The following IBTK variants were observed in gnomAD, a reference collection of about 807,000 sequenced individuals.
The protein encoded by IBTK is inhibitor of Bruton tyrosine kinase.
IBTK carries 83 observed loss-of-function variants against 154.9 expected under a neutral mutation model. The ratio of observed to expected loss-of-function variants is 0.54; its 90% CI spans 0.45 to 0.64. IBTK has a LOEUF of 0.64. Ranked by LOEUF, IBTK falls within the 30% of genes least tolerant of loss-of-function variation. IBTK has a pLI of 0.00. For missense variants in IBTK, 1,332 were observed against 1,584.6 expected (o/e 0.84, Z 2.71); for synonymous variants, 515 against 536.1 (o/e 0.96, Z 0.54).
Position 82,214,397 on chromosome 6 carries a change from G to A in IBTK, c.2034C>T (p.Asn678=), listed in dbSNP as rs773843337. The A allele has an allele frequency of 2.5e-6, 4 of 1,613,860 alleles. No homozygotes were observed. Among genetic ancestry groups the A allele is most frequent in the Non-Finnish European group, 3.4e-6 (4 of 1,179,890 alleles). ...TGTAAACTTCAAATGCAGACTTCTG[G>A]TTATCATCTTCATGGAAATTCACTT... The part of the protein sequence containing the change: ...LNKVNFHEDD[N]QKSAFEVYKS... Residue 678 remains asparagine (N), a synonymous_variant, in exon 12 of 29, where the codon AAC becomes AAT. Transcript: ENST00000306270.
At position 82,181,898 on chromosome 6, in the gene IBTK, G is replaced by C. The variant is rs1768331963; in HGVS notation, c.3706C>G (p.Gln1236Glu). 6.3e-7 allele frequency: 1 copy of C among 1,580,510 alleles called. No individual in the cohort carries two copies. Among genetic ancestry groups the C allele is most frequent in the South Asian group, 1.2e-5 (1 of 84,426 alleles). Residue 1236 changes from glutamine (Q) to glutamate (E), a missense_variant, in exon 26 of 29, where the codon CAG becomes GAG. Gln to Glu is a conservative substitution (Grantham distance 29). Around this residue, in one of 3 missense-constraint regions of IBTK, gnomAD observed 1,134 missense variants for 1,274.7 expected, o/e 0.89. Coordinates refer to ENST00000306270, the MANE Select transcript of IBTK (RefSeq NM_015525.4). ...KVSFKGIENSQAPKIVRCSTH... is the reference protein window; with the variant it reads ...KVSFKGIENSEAPKIVRCSTH... Reference sequence around the variant, plus strand: ...TATTACCTGACAATTTTTGGTGCCTGAGAATTTTCAATTCCTTTAAAAGAA... The same window carrying C: ...TATTACCTGACAATTTTTGGTGCCTCAGAATTTTCAATTCCTTTAAAAGAA...
At chr6:82,236,075 T>C (rs544971888) in intron 2 of IBTK, among the ~76,000 whole-genome samples, 1 of 152,318 alleles carries the variant, frequency 6.6e-6, no homozygotes, top group South Asian at 2.1e-4. Context: ...GGTTTTGCCA[T>C]GTTGCCCAGG....
At chr6:82,186,393 A>G (rs1291185062) in intron 25 of IBTK, among the ~76,000 whole-genome samples, 1 of 152,204 alleles carries the variant, frequency 6.6e-6, no homozygotes, top group East Asian at 1.9e-4. Flanking sequence ...ACTCCACCAT[A>G]AAAAGATGAT....
chr6:82,240,678 A>T lies in IBTK; in HGVS notation c.-192T>A, dbSNP rs372861343. On this transcript the variant is annotated 5_prime_UTR_variant, in exon 2 of 29. Coordinates refer to ENST00000306270, the MANE Select transcript of IBTK (RefSeq NM_015525.4). ...ATTTTTTGGCACTTAAATCAAAAAA[A>T]TTATAAATAGCTCTATAAAGTTCAT... 2 of 527,958 alleles carry T rather than the reference A, an allele frequency of 3.8e-6. No individual in the cohort carries two copies. The highest frequency in any genetic ancestry group is 3.8e-5 in the African/African-American group (2 of 52,172). 32.7% of individuals were successfully genotyped at this position (527,958 alleles called of 1,614,324 possible).
Position 82,194,625 on chromosome 6 carries a change from A to T in IBTK, c.3192T>A (p.Tyr1064Ter). 6.3e-7 allele frequency: 1 copy of T among 1,586,976 alleles called. No individual in the cohort carries two copies. The highest frequency in any genetic ancestry group is 8.6e-7 in the Non-Finnish European group (1 of 1,168,524). The change falls in exon 23 of 29, where the codon TAT (tyrosine) becomes TAA (stop). Residue 1064 changes from tyrosine (Y) to a stop codon, truncating the protein, a stop_gained. Coordinates refer to ENST00000306270, the MANE Select transcript of IBTK (RefSeq NM_015525.4). LOFTEE classifies it high-confidence loss of function. ...AATACACAGGAGATGTACCATTAACATACGGTTTGACTTTCGCCTGGGGAG... is the reference window on the plus strand; with the variant it reads ...AATACACAGGAGATGTACCATTAACTTACGGTTTGACTTTCGCCTGGGGAG... ...SDKIEAKVKP[Y>*]VNGTSPVYSR...
intron 3 of IBTK, among the ~76,000 whole-genome samples, chr6:82,233,711 G>GTTGT (rs1554187491): frequency 8.1e-6 from 1 of 122,844 alleles, no homozygotes; most frequent in Non-Finnish European, 1.7e-5. Context: ...CATTTGTAAA[G>GTTGT]TTTTTTTTTT....
chr6:82,189,987 T>A (rs1019577807), intron 25 of IBTK, among the ~76,000 whole-genome samples: 1 of 152,192 alleles, frequency 6.6e-6, no homozygotes, highest in Non-Finnish European at 1.5e-5. Context: ...TGCCTTATCA[T>A]CAGAAACTAG....
At chr6:82,234,339 A>T (rs577461830) in intron 2 of IBTK, 84 bp from the exon 3 acceptor site, 205 of 350,642 alleles carry the variant, frequency 5.8e-4, no homozygotes, top group African/African-American at 3.1e-3. Flanking sequence ...TTTTATTATT[A>T]TTTTTTTTTT....
In IBTK at chr6:82,216,207, A is replaced by C; in HGVS notation, c.1470T>G (p.Tyr490Ter). Residue 490 changes from tyrosine (Y) to a stop codon, truncating the protein, a stop_gained, in exon 11 of 29, where the codon TAT (tyrosine) becomes TAG (stop). Transcript: ENST00000306270. LOFTEE classifies it high-confidence loss of function. ...NLHNSSSDVS[Y>*]VSDINSVYER... ...CATACACACTATTTATATCAGAGAC[A>C]TAAGACACATCTGATGAGGAATTGT... 1 of 1,603,076 alleles carries C rather than the reference A, an allele frequency of 6.2e-7. No homozygotes were observed. The highest frequency in any genetic ancestry group is 8.5e-7 in the Non-Finnish European group (1 of 1,175,986).
At chr6:82,242,963 C>T (rs557441001) in intron 1 of IBTK, among the ~76,000 whole-genome samples, 142 of 151,434 alleles carry the variant, frequency 9.4e-4, no homozygotes, top group African/African-American at 3.2e-3. Context: ...AAACAAAAGA[C>T]GGGCACGGTG....
Position 82,200,231 on chromosome 6 carries a change from T to C in IBTK, c.2935A>G (p.Lys979Glu). Residue 979 changes from lysine (K) to glutamate (E), a missense_variant, in exon 21 of 29, where the codon AAA (lysine) becomes GAA (glutamate). By Grantham distance (56) the Lys-to-Glu change is moderately conservative. Transcript: ENST00000306270. ...CGTGGCTTCTTTTTAGCTTTTGTTT[T>C]TGCTTTCTTGAACATAGTTTCCCTA... ...NHSETMFKKA[K>E]TKAKKKPRKR... 6.2e-7 allele frequency: 1 copy of C among 1,613,522 alleles called. No homozygotes were observed. The highest frequency in any genetic ancestry group is 8.5e-7 in the Non-Finnish European group (1 of 1,179,600).
Position 82,240,525 on chromosome 6 carries a change from A to T in IBTK, c.-39T>A. ...ATACCACTTACTTCAGAATCGTGAA[A>T]ACTAATTTTAAAAAATGAAAAAGCC... On this transcript the variant is annotated 5_prime_UTR_variant, in exon 2 of 29. Transcript: ENST00000306270. 1.2e-5 allele frequency: 19 copies of T among 1,533,324 alleles called. No individual in the cohort carries two copies. Among genetic ancestry groups the T allele is most frequent in the Non-Finnish European group, 1.7e-5 (19 of 1,134,746 alleles). 95.0% of individuals were successfully genotyped at this position (1,533,324 alleles called of 1,614,324 possible).
At position 82,201,319 on chromosome 6, in the gene IBTK, T is replaced by C. The variant is rs1055523120; in HGVS notation, c.2790+103A>G. ...TCATCAGTTTTAAAAGATCCTAATG[T>C]ACTAGAAGTCATTAGGAAACTATTC... On this transcript the variant is annotated intron_variant, in intron 19 of 28. Transcript: ENST00000306270. 4.4e-6 allele frequency: 3 copies of C among 681,940 alleles called. No individual in the cohort carries two copies. The African/African-American group carries it at 5.6e-5, about 13-fold the overall frequency. 42.2% of individuals were successfully genotyped at this position (681,940 alleles called of 1,614,324 possible). A position where few individuals can be genotyped will look rare whatever the true frequency, so the allele number is the denominator to read the frequency against.
intron 26 of IBTK, among the ~76,000 whole-genome samples, chr6:82,179,163 G>C (rs1197075648): frequency 6.6e-6 from 1 of 152,214 alleles, no homozygotes; most frequent in East Asian, 1.9e-4. Flanking sequence ...ATATGGATTT[G>C]AGAAATATTT....
chr6:82,200,091 T>C (rs143153050), intron 21 of IBTK, 50 bp downstream of exon 21: 1 of 1,122,638 alleles, frequency 8.9e-7, no homozygotes, highest in Non-Finnish European at 1.3e-6. Context: ...CATATGTGAA[T>C]AGAGACATAG....
chr6:82,200,437 A>T, intron 20 of IBTK, 150 bp downstream of exon 20: 1 of 790,526 alleles, frequency 1.3e-6, no homozygotes, highest in Non-Finnish European at 2.0e-6. Context: ...GAATGAGCGT[A>T]ACTACCTATT....
Position 82,240,697 on chromosome 6 carries a change from A to C in IBTK, c.-211T>G. Reference sequence around the variant, plus strand: ...AAAAAAATTATAAATAGCTCTATAAAGTTCATATCAAATACAAGTTCTTCA... The same window carrying C: ...AAAAAAATTATAAATAGCTCTATAACGTTCATATCAAATACAAGTTCTTCA... On this transcript the variant is annotated 5_prime_UTR_variant, in exon 2 of 29. Coordinates refer to ENST00000306270, the MANE Select transcript of IBTK (RefSeq NM_015525.4). 1 of 498,912 alleles carries C rather than the reference A, an allele frequency of 2.0e-6. No individual in the cohort carries two copies. Among genetic ancestry groups the C allele is most frequent in the Non-Finnish European group, 3.5e-6 (1 of 286,074 alleles). The allele number at this position is 498,912 out of a possible 1,614,324, so 30.9% of individuals were successfully genotyped here.
At chr6:82,215,325 T>C in intron 11 of IBTK, among the ~76,000 whole-genome samples, 1 of 152,174 alleles carries the variant, frequency 6.6e-6, no homozygotes, top group East Asian at 1.9e-4. Context: ...GATACCTCTC[T>C]GCTTATGTGA....
chr6:82,229,256 C>A (rs1362508968), intron 4 of IBTK, among the ~76,000 whole-genome samples: 1 of 152,124 alleles, frequency 6.6e-6, no homozygotes, highest in Non-Finnish European at 1.5e-5. Flanking sequence ...ACTGCCTTGC[C>A]TTACCTGAAA....
Sources: allele counts gnomAD v4.1 joint callset (sites outside exome capture counted in the v4.1 genomes callset), GRCh38; gene constraint gnomAD v4.1.1; regional missense constraint gnomAD v4.1.1; transcripts MANE v1.5; gene names NCBI Gene and HGNC (gene_info 2026-07-23, HGNC 2026-07-21).